Variants in TTLL5 observed in about 807,000 individuals in gnomAD.
TTLL5 encodes the protein tubulin tyrosine ligase like 5.
In TTLL5, 132 loss-of-function variants were observed where a neutral mutation model predicts 168.4. The observed-to-expected ratio is 0.78, with a 90% CI of 0.68 to 0.91. The LOEUF (loss-of-function observed/expected upper bound fraction) is 0.91. TTLL5 is among the 40% of genes least tolerant of loss of function. The pLI is 0.00. For missense variants in TTLL5, 1,545 were observed against 1,581.5 expected (o/e 0.98, Z 0.39); for synonymous variants, 546 against 558.6 (o/e 0.98, Z 0.32).
chr14:75,804,222 C>T (rs11851110), intron 27 of TTLL5, among the ~76,000 whole-genome samples: 2,168 of 152,268 alleles, frequency 0.014, 63 homozygotes, highest in African/African-American at 0.047. Flanking sequence ...TTTTCTTGCT[C>T]CTTACCCTGA....
chr14:75,881,306 T>C (rs1189725520), intron 29 of TTLL5, among the ~76,000 whole-genome samples: 1 of 152,212 alleles, frequency 6.6e-6, no homozygotes, highest in Non-Finnish European at 1.5e-5. Context: ...TGGGGACATC[T>C]CAGTCAGATT....
At chr14:75,934,393 A>G (rs1041334265) in intron 31 of TTLL5, among the ~76,000 whole-genome samples, 22 of 152,228 alleles carry the variant, frequency 1.4e-4, no homozygotes, top group African/African-American at 5.1e-4. Flanking sequence ...TGTAGATTCA[A>G]CCTCACCAAA....
Position 75,863,765 on chromosome 14 carries a change from C to T in TTLL5, c.3425C>T (p.Thr1142Ile), listed in dbSNP as rs143882862. 90 of 1,613,890 alleles carry T rather than the reference C, an allele frequency of 5.6e-5. No individual in the cohort carries two copies. In the African/African-American group the frequency reaches 1.0e-3, roughly 18 times the overall value. The change falls in exon 29 of 32, where the codon ACA becomes ATA. Residue 1142 changes from threonine (T) to isoleucine (I), a missense_variant. By Grantham distance (89) the Thr-to-Ile change is moderately conservative (BLOSUM62 -1). Coordinates refer to ENST00000298832, the MANE Select transcript of TTLL5 (RefSeq NM_015072.5). ...GVVPQHKYHPTAGSYQLQFAL... is the reference protein window; with the variant it reads ...GVVPQHKYHPIAGSYQLQFAL... The stretch of plus-strand genomic sequence containing the variant: ...GTCCCCCAGCACAAGTATCACCCCA[C>T]AGCAGGCAGCTATCAGCTTCAATTT...
chr14:75,918,280 C>T (rs2033690718), intron 31 of TTLL5, among the ~76,000 whole-genome samples: 1 of 152,116 alleles, frequency 6.6e-6, no homozygotes, highest in African/African-American at 2.4e-5. Flanking sequence ...GGGCACATTG[C>T]CTTCCCAGTC....
intron 26 of TTLL5, among the ~76,000 whole-genome samples, chr14:75,789,339 A>G (rs966593268): frequency 1.3e-5 from 2 of 152,222 alleles, no homozygotes; most frequent in African/African-American, 4.8e-5. Context: ...AAAAAAGAGG[A>G]AACAAAATTG....
chr14:75,920,225 A>G (rs1286503688), intron 31 of TTLL5, among the ~76,000 whole-genome samples: 1 of 152,258 alleles, frequency 6.6e-6, no homozygotes, highest in East Asian at 1.9e-4. Context: ...ACTTGTATCC[A>G]GAATATATAC....
intron 9 of TTLL5, 91 bp from the exon 10 acceptor site, chr14:75,717,770 C>T (rs939513148): frequency 1.7e-6 from 2 of 1,197,928 alleles, no homozygotes; most frequent in Admixed American, 1.9e-5. Flanking sequence ...TGATATTACC[C>T]TCCTTTATTA....
chr14:75,904,675 T>C (rs183994942), intron 31 of TTLL5, among the ~76,000 whole-genome samples: 1 of 152,254 alleles, frequency 6.6e-6, no homozygotes, highest in East Asian at 1.9e-4. Context: ...TGGCTTCTCA[T>C]AGTGACCTTT....
intron 30 of TTLL5, among the ~76,000 whole-genome samples, chr14:75,899,132 G>A (rs2032806860): frequency 6.6e-6 from 1 of 152,170 alleles, no homozygotes; most frequent in Non-Finnish European, 1.5e-5. Context: ...TATAACACCA[G>A]TCACTGCTTA....
chr14:75,846,902 T>C (rs961065345), intron 28 of TTLL5, among the ~76,000 whole-genome samples: 5 of 151,672 alleles, frequency 3.3e-5, no homozygotes, highest in African/African-American at 1.2e-4. Flanking sequence ...AAGGCAGACA[T>C]AGAGATGAAT....
intron 31 of TTLL5, among the ~76,000 whole-genome samples, chr14:75,916,148 T>G (rs890636287): frequency 9.2e-6 from 1 of 109,018 alleles, no homozygotes; most frequent in African/African-American, 3.7e-5. Context: ...TAGAGAGGGA[T>G]GAGGGGAGGA....
At chr14:75,812,240 GGGA>G (rs887382473) in intron 27 of TTLL5, among the ~76,000 whole-genome samples, 3 of 152,128 alleles carry the variant, frequency 2.0e-5, no homozygotes, top group Admixed American at 6.5e-5. Flanking sequence ...CAGGAGCAGG[GGGA>G]GGAGGAGGAG....
intron 27 of TTLL5, among the ~76,000 whole-genome samples, chr14:75,811,133 GA>G (rs2140390753): frequency 6.8e-6 from 1 of 146,632 alleles, no homozygotes; most frequent in East Asian, 2.1e-4. Flanking sequence ...AGGGGGTGGG[GA>G]AAGAGAGGGA....
At chr14:75,743,927 A>G (rs1484316596) in intron 15 of TTLL5, among the ~76,000 whole-genome samples, 1 of 151,558 alleles carries the variant, frequency 6.6e-6, no homozygotes, top group Non-Finnish European at 1.5e-5. Flanking sequence ...CCAGGGCCCC[A>G]CTCTCATGAC....
At chr14:75,814,917 G>T (rs1373513782) in intron 27 of TTLL5, among the ~76,000 whole-genome samples, 2 of 152,098 alleles carry the variant, frequency 1.3e-5, no homozygotes, top group Non-Finnish European at 2.9e-5. Context: ...TGTGGCTAGG[G>T]GTTACTGTAT....
chr14:75,830,840 G>A (rs1895520719), intron 28 of TTLL5, among the ~76,000 whole-genome samples: 1 of 152,090 alleles, frequency 6.6e-6, no homozygotes, highest in Non-Finnish European at 1.5e-5. Flanking sequence ...CTCACACAGG[G>A]CTCAGTTTAT....
chr14:75,927,571 G>A (rs1339080273), intron 31 of TTLL5, among the ~76,000 whole-genome samples: 1 of 152,184 alleles, frequency 6.6e-6, no homozygotes, highest in African/African-American at 2.4e-5. Context: ...TATTTAGTGT[G>A]TCCTGTTCAT....
intron 18 of TTLL5, among the ~76,000 whole-genome samples, chr14:75,756,237 T>A (rs1256254130): frequency 6.6e-6 from 1 of 152,130 alleles, no homozygotes; most frequent in African/African-American, 2.4e-5. Context: ...TTGCATATCA[T>A]CTACATTGCA....
At chr14:75,732,018 T>TA (rs1888582073) in intron 12 of TTLL5, 1 of 167,522 alleles carries the variant, frequency 6.0e-6, no homozygotes, top group African/African-American at 2.4e-5. Flanking sequence ...TTTTTTTTTT[T>TA]ACGCCCATAA....
Sources: allele counts gnomAD v4.1 joint callset (sites outside exome capture counted in the v4.1 genomes callset), GRCh38; gene constraint gnomAD v4.1.1; transcripts MANE v1.5; gene names NCBI Gene and HGNC (gene_info 2026-07-23, HGNC 2026-07-21).